NXN: variants seen among roughly 807,000 people sequenced by gnomAD.
NXN encodes the protein nucleoredoxin.
In NXN, 16 loss-of-function variants were observed where a neutral mutation model predicts 48.6. The ratio of observed to expected loss-of-function variants is 0.33; its 90% CI spans 0.22 to 0.50. The LOEUF (loss-of-function observed/expected upper bound fraction) is 0.50, where lower values mean the gene tolerates loss of function less well. Among genes scored for constraint, NXN ranks in the 20% least tolerant of loss-of-function variants. The probability of loss-of-function intolerance (pLI) is 0.98; values close to 1 mark genes in which losing one functional copy is unlikely to be tolerated. For synonymous variants in NXN, 281 were observed against 269.6 expected, an observed-to-expected ratio of 1.04 and a Z score of -0.41; for missense variants, 492 against 605.5, an observed-to-expected ratio of 0.81 and a Z score of 1.97.
At chr17:803,649 C>T (rs369281946) in intron 7 of NXN, 33 bp downstream of exon 7, 1 of 1,613,600 alleles carries the variant, frequency 6.2e-7, no homozygotes, top group Non-Finnish European at 8.5e-7. Flanking sequence ...CCAGCTGAGC[C>T]AGCCCTGGGC....
rs1009632827 is a variant in NXN at position 902,565 on chromosome 17, A to C, written c.361-76487T>G. On this transcript the variant is annotated intron_variant, in intron 1 of 7. Transcript: ENST00000336868. ...AGCTTTTTAAAGGCAACTGTCACTC[A>C]GTGGCAATGCCACTGGCTTTCTAGG... is the stretch of plus-strand genomic sequence containing the variant. 3.3e-5 allele frequency among the ~76,000 whole-genome samples: 5 copies of C among 152,280 alleles called. No homozygotes were observed. In the East Asian group the frequency reaches 5.8e-4, roughly 18 times the overall value.
chr17:916,188 C>T (rs775526939), intron 1 of NXN, among the ~76,000 whole-genome samples: 3 of 152,082 alleles, frequency 2.0e-5, no homozygotes, highest in Non-Finnish European at 4.4e-5. Context: ...CCTGGCACGT[C>T]GGCAACAGAA....
intron 1 of NXN, among the ~76,000 whole-genome samples, chr17:925,169 G>A (rs1337819608): frequency 6.6e-6 from 1 of 151,954 alleles, no homozygotes; most frequent in Non-Finnish European, 1.5e-5. Flanking sequence ...AAGAAAGAAG[G>A]GGTGGAAAGG....
chr17:843,001 AAAGAG>A (rs1597655210), intron 1 of NXN, among the ~76,000 whole-genome samples: 3 of 101,138 alleles, frequency 3.0e-5, no homozygotes, highest in African/African-American at 1.3e-4. Flanking sequence ...AGAAAGAGAG[AAAGAG>A]AGAAAGAAAG....
At chr17:889,899 A>T (rs906829795) in intron 1 of NXN, among the ~76,000 whole-genome samples, 1 of 152,166 alleles carries the variant, frequency 6.6e-6, no homozygotes, top group African/African-American at 2.4e-5. Context: ...AAAGCAAAGC[A>T]CTGCCACGTT....
intron 1 of NXN, among the ~76,000 whole-genome samples, chr17:901,920 A>C (rs1385038785): frequency 6.6e-6 from 1 of 151,910 alleles, no homozygotes; most frequent in Non-Finnish European, 1.5e-5. Flanking sequence ...GGCTGGTCTC[A>C]AACTCCTGAC....
intron 1 of NXN, among the ~76,000 whole-genome samples, chr17:835,273 A>T (rs539937763): frequency 6.7e-6 from 1 of 149,516 alleles, no homozygotes; most frequent in Non-Finnish European, 1.5e-5. Context: ...GTGCCACTGC[A>T]CTCCAGCCTG....
intron 1 of NXN, among the ~76,000 whole-genome samples, chr17:892,036 C>G (rs371632174): frequency 2.6e-5 from 4 of 151,236 alleles, no homozygotes; most frequent in Non-Finnish European, 2.9e-5. Flanking sequence ...CCACCATGCA[C>G]AACCCAACAG....
At chr17:863,959 A>G (rs1012834128) in intron 1 of NXN, 2 of 1,533,756 alleles carry the variant, frequency 1.3e-6, no homozygotes, top group Admixed American at 3.9e-5. Flanking sequence ...ATGCCTGGGA[A>G]CTGAGTGAGG....
chr17:952,899 G>C (rs1317675494), intron 1 of NXN, among the ~76,000 whole-genome samples: 2 of 152,138 alleles, frequency 1.3e-5, no homozygotes, highest in Non-Finnish European at 2.9e-5. Flanking sequence ...CCCTCTGGGA[G>C]GAATGACGGC....
intron 5 of NXN, among the ~76,000 whole-genome samples, chr17:813,025 G>T (rs539595823): frequency 4.0e-5 from 6 of 151,788 alleles, no homozygotes; most frequent in Non-Finnish European, 7.4e-5. Context: ...TTGTGTGCAC[G>T]CGTGTGTGAA....
Position 900,913 on chromosome 17 carries a change from CTTTTTTTTTTTTT to C in NXN, c.361-74848_361-74836del, listed in dbSNP as rs11367844. Reference sequence around the variant, plus strand: ...CTTTATGAAAAGATAGATCTGCATTCTTTTTTTTTTTTTTTTTTTTTTTTGGATGGAGTTTAAG... The same window carrying C: ...CTTTATGAAAAGATAGATCTGCATTCTTTTTTTTTTTGGATGGAGTTTAAG... On this transcript the variant is annotated intron_variant, in intron 1 of 7. Transcript: ENST00000336868. Among the ~76,000 whole-genome samples the C allele has an allele frequency of 5.1e-4, 39 of 75,864 alleles. 1 individual carries two copies. The highest frequency in any genetic ancestry group is 2.0e-3 in the East Asian group (5 of 2,480). 49.8% of individuals were successfully genotyped at this position (75,864 alleles called of 152,430 possible). A position where few individuals can be genotyped will look rare whatever the true frequency, so the allele number is the denominator to read the frequency against.
intron 1 of NXN, among the ~76,000 whole-genome samples, chr17:957,925 G>C (rs1420505730): frequency 6.6e-6 from 1 of 152,092 alleles, no homozygotes; most frequent in Non-Finnish European, 1.5e-5. Context: ...CAGAATGTAT[G>C]TTCCTGGGGC....
chr17:827,548 G>A (rs901285782), intron 1 of NXN, among the ~76,000 whole-genome samples: 9 of 152,318 alleles, frequency 5.9e-5, no homozygotes, highest in Admixed American at 3.3e-4. Context: ...GCGTGAACCC[G>A]GGAGGCGGGG....
intron 1 of NXN, among the ~76,000 whole-genome samples, chr17:831,441 C>T (rs960587738): frequency 2.9e-5 from 4 of 139,834 alleles, no homozygotes; most frequent in African/African-American, 5.5e-5. Context: ...ATACTGAGGG[C>T]CGACTTTATT....
chr17:906,709 G>C (rs2144911013), intron 1 of NXN, among the ~76,000 whole-genome samples: 1 of 151,522 alleles, frequency 6.6e-6, no homozygotes, highest in Middle Eastern at 3.4e-3. Flanking sequence ...TGGGACTACA[G>C]GCACCCACCA....
rs959686658 is a variant in NXN at position 917,888 on chromosome 17, A to G, written c.360+61431T>C. Among the ~76,000 whole-genome samples, 9 of 152,232 alleles carry G rather than the reference A, an allele frequency of 5.9e-5. No homozygotes were observed. Among genetic ancestry groups the G allele is most frequent in the African/African-American group, 2.2e-4 (9 of 41,462 alleles). On this transcript the variant is annotated intron_variant, in intron 1 of 7. Coordinates refer to ENST00000336868, the MANE Select transcript of NXN (RefSeq NM_022463.5). The surrounding 1 kb of genome is among the most constrained non-coding windows in gnomAD (Gnocchi z 4.5). ...AAAGGGGACTGCGTACTGGTGAAGA[A>G]GAATGTGGTCTGTATTCAGTTTTGT...
intron 5 of NXN, among the ~76,000 whole-genome samples, chr17:814,920 C>T (rs1362231374): frequency 1.3e-5 from 2 of 152,178 alleles, no homozygotes; most frequent in Non-Finnish European, 1.5e-5. Flanking sequence ...TGACCACCAC[C>T]ACGCCTGGCT....
intron 1 of NXN, 68 bp from the exon 2 acceptor site, chr17:826,146 C>T (rs939254374): frequency 5.8e-6 from 6 of 1,026,384 alleles, no homozygotes; most frequent in Non-Finnish European, 9.3e-6. Flanking sequence ...TCTTTTGAGC[C>T]CCTTAGGTCT....
Sources: allele counts gnomAD v4.1 joint callset (sites outside exome capture counted in the v4.1 genomes callset), GRCh38; gene constraint gnomAD v4.1.1; non-coding constraint Gnocchi (gnomAD v3.1); transcripts MANE v1.5; gene names NCBI Gene and HGNC (gene_info 2026-07-23, HGNC 2026-07-21).